OTOA: variants seen among roughly 807,000 people sequenced by gnomAD.
The protein encoded by OTOA is otoancorin.
Under a neutral mutation model 110.8 loss-of-function variants are expected in OTOA, and 70 were observed. That is an observed-to-expected ratio of 0.63 (90% CI 0.52 to 0.77). The LOEUF (loss-of-function observed/expected upper bound fraction) is 0.77. OTOA is among the 30% of genes least tolerant of loss of function. OTOA has a pLI of 0.00. For synonymous variants in OTOA, 373 were observed against 431.5 expected, an observed-to-expected ratio of 0.86 and a Z score of 1.68; for missense variants, 917 against 1,075.8, an observed-to-expected ratio of 0.85 and a Z score of 2.06.
At chr16:21,725,881 C>T (rs1338193748) in intron 18 of OTOA, among the ~76,000 whole-genome samples, 2 of 152,108 alleles carry the variant, frequency 1.3e-5, no homozygotes, top group African/African-American at 2.4e-5. Flanking sequence ...GGTTACAGAT[C>T]GTTGTCATAA....
chr16:21,687,667 C>CT lies in OTOA; in HGVS notation c.635+37dup, dbSNP rs397855951. The CT allele has an allele frequency of 0.075, 97,868 of 1,303,604 alleles. 2 individuals carry two copies. Among genetic ancestry groups the CT allele is most frequent in the Non-Finnish European group, 0.081 (77,072 of 953,828 alleles). The allele number at this position is 1,303,604 out of a possible 1,614,324, so 80.8% of individuals were successfully genotyped here. A position where few individuals can be genotyped will look rare whatever the true frequency, so the allele number is the denominator to read the frequency against. The stretch of plus-strand genomic sequence containing the variant: ...AGAACCTGTGAGTGGTTCCTCCGAA[C>CT]TTTTTTTTTTTTTTTTTTGAGATGG... On this transcript the variant is annotated intron_variant, in intron 8 of 28. Transcript: ENST00000646100.
chr16:21,695,201 G>T (rs1897906616), intron 9 of OTOA, among the ~76,000 whole-genome samples: 2 of 149,046 alleles, frequency 1.3e-5, no homozygotes, highest in Non-Finnish European at 3.0e-5. Flanking sequence ...GGAGTTCAAG[G>T]CCAGCCTGGG....
chr16:21,685,392 G>C, intron 7 of OTOA, 31 bp downstream of exon 7: 1 of 1,606,168 alleles, frequency 6.2e-7, no homozygotes, highest in South Asian at 1.1e-5. Context: ...CGGGGATAGA[G>C]GAAGTCCAGC....
chr16:21,666,917 C>A (rs1489887328), intron 1 of OTOA, among the ~76,000 whole-genome samples: 1 of 152,094 alleles, frequency 6.6e-6, no homozygotes, highest in Non-Finnish European at 1.5e-5. Context: ...GTTTCAGTAA[C>A]CTGAAACCTC....
intron 1 of OTOA, among the ~76,000 whole-genome samples, chr16:21,670,886 C>A (rs1172871870): frequency 4.6e-5 from 7 of 152,078 alleles, no homozygotes; most frequent in Admixed American, 3.9e-4. Context: ...GGGGAAGAAT[C>A]CTCTGGGCCG....
chr16:21,687,625 G>A lies in OTOA; in HGVS notation c.612G>A (p.Leu204=). 1.2e-6 allele frequency: 2 copies of A among 1,613,354 alleles called. No homozygotes were observed. Among genetic ancestry groups the A allele is most frequent in the Non-Finnish European group, 1.7e-6 (2 of 1,179,898 alleles). The change falls in exon 8 of 29, where the codon CTG becomes CTA. Residue 204 remains leucine, a synonymous_variant. Transcript: ENST00000646100. ...PDITERLPRD[L]REDAFKNLSA... ...TCACAGAGCGGCTCCCTCGGGACCT[G>A]CGCGAGGATGCCTTTAAGAACCTGT...
At chr16:21,751,580 AG>A (rs1899828068) in intron 24 of OTOA, among the ~76,000 whole-genome samples, 1 of 99,492 alleles carries the variant, frequency 1.0e-5, no homozygotes, top group African/African-American at 3.0e-5. Flanking sequence ...ATGCTGGAAA[AG>A]TTTGGATCCT....
intron 13 of OTOA, among the ~76,000 whole-genome samples, chr16:21,711,011 T>TTG (rs1173740087): frequency 2.6e-5 from 4 of 151,758 alleles, no homozygotes; most frequent in Non-Finnish European, 4.4e-5. Context: ...TCAAAAAAAA[T>TTG]TAAACAACAA....
intron 9 of OTOA, among the ~76,000 whole-genome samples, chr16:21,697,037 CTTTTTTTTTTT>C (rs56124254): frequency 0.011 from 728 of 65,094 alleles, 28 homozygotes; most frequent in East Asian, 0.11. Context: ...CTACAGCTGG[CTTTTTTTTTTT>C]TTTTTTTTTT....
chr16:21,704,530 G>A (rs1401680018), intron 11 of OTOA, among the ~76,000 whole-genome samples: 1 of 152,168 alleles, frequency 6.6e-6, no homozygotes, highest in African/African-American at 2.4e-5. Flanking sequence ...ATGAGATAAT[G>A]CAGGTAAACG....
At chr16:21,714,397 T>TTC (rs1555499787) in intron 13 of OTOA, among the ~76,000 whole-genome samples, 2 of 78,880 alleles carry the variant, frequency 2.5e-5, no homozygotes, top group South Asian at 8.4e-4. Flanking sequence ...CTCTCTTTCT[T>TTC]TCTCTTTCTT....
chr16:21,736,178 G>A lies in OTOA; in HGVS notation c.2302-83G>A, dbSNP rs1899287615. 2.3e-6 allele frequency: 3 copies of A among 1,276,846 alleles called. No individual in the cohort carries two copies. The Admixed American group carries it at 5.4e-5, about 23-fold the overall frequency. The allele number at this position is 1,276,846 out of a possible 1,614,324, so 79.1% of individuals were successfully genotyped here. ...TAACAAAGAATGAAGGCAGTAAGTA[G>A]TGTGACAGTTTCAACTCTAATTTCA... On this transcript the variant is annotated intron_variant, in intron 21 of 28. Transcript: ENST00000646100.
intron 21 of OTOA, among the ~76,000 whole-genome samples, chr16:21,735,449 C>CCT (rs1291535981): frequency 6.6e-6 from 1 of 152,054 alleles, no homozygotes; most frequent in Admixed American, 6.5e-5. Flanking sequence ...GATCCAATCA[C>CCT]CTCTCACTGG....
intron 13 of OTOA, among the ~76,000 whole-genome samples, chr16:21,713,463 G>A (rs1430701869): frequency 6.6e-6 from 1 of 152,152 alleles, no homozygotes; most frequent in Admixed American, 6.5e-5. Flanking sequence ...CGGGGCCAAG[G>A]GAGGGAGGGT....
intron 10 of OTOA, among the ~76,000 whole-genome samples, chr16:21,699,523 G>A (rs1597820444): frequency 6.6e-6 from 1 of 151,964 alleles, no homozygotes; most frequent in Admixed American, 6.6e-5. Flanking sequence ...TGAGGTCTCA[G>A]CTACTTGGGA....
At position 21,735,015 on chromosome 16, in the gene OTOA, C is replaced by T. The variant is rs373870858; in HGVS notation, c.2302-1246C>T. Among the ~76,000 whole-genome samples the T allele has an allele frequency of 3.4e-3, 518 of 151,064 alleles. 3 individuals carry two copies. In the East Asian group the frequency reaches 0.038, roughly 11 times the overall value. ...AATTAGCCTGGCTTGGTGCTGCATG[C>T]ATGTAATCCCAGCTACTCAGGAGGC... On this transcript the variant is annotated intron_variant, in intron 21 of 28. Coordinates refer to ENST00000646100, the MANE Select transcript of OTOA (RefSeq NM_144672.4).
intron 15 of OTOA, among the ~76,000 whole-genome samples, chr16:21,717,894 G>A (rs1002481308): frequency 2.0e-5 from 3 of 152,148 alleles, no homozygotes; most frequent in Non-Finnish European, 2.9e-5. Flanking sequence ...ATGATGTCCC[G>A]CTGATCTATT....
intron 4 of OTOA, 53 bp downstream of exon 4, chr16:21,679,119 T>C: frequency 1.2e-6 from 2 of 1,613,080 alleles, no homozygotes; most frequent in Non-Finnish European, 1.7e-6. Context: ...TCAAACAGAA[T>C]GTAGCTGTGA....
intron 1 of OTOA, among the ~76,000 whole-genome samples, chr16:21,665,449 C>G (rs763378489): frequency 4.3e-4 from 66 of 152,132 alleles, no homozygotes; most frequent in Non-Finnish European, 7.9e-4. Flanking sequence ...TAAATGACTG[C>G]TGGGATTAAG....
Sources: gnomAD v4.1 joint callset for allele counts (sites outside exome capture counted in the v4.1 genomes callset) on GRCh38, gnomAD v4.1.1 for gene constraint, MANE v1.5 for transcripts, NCBI Gene and HGNC (gene_info 2026-07-23, HGNC 2026-07-21) for gene names.